Variants in ZNF536 observed in about 807,000 individuals in gnomAD.
ZNF536 encodes zinc finger protein 536.
In ZNF536, 13 loss-of-function variants were observed where a neutral mutation model predicts 84.5. The ratio of observed to expected loss-of-function variants is 0.15; its 90% CI spans 0.10 to 0.24. The LOEUF is 0.24. Among genes scored for constraint, ZNF536 ranks in the 10% least tolerant of loss-of-function variants. ZNF536 has a pLI of 1.00. For synonymous variants in ZNF536, 811 were observed against 742.5 expected, an observed-to-expected ratio of 1.09 and a Z score of -1.50; for missense variants, 1,536 against 1,747.5, an observed-to-expected ratio of 0.88 and a Z score of 2.16.
chr19:30,675,298 G>A (rs925051719), intron 1 of ZNF536, among the ~76,000 whole-genome samples: 61 of 152,186 alleles, frequency 4.0e-4, no homozygotes, highest in African/African-American at 1.4e-3. Context: ...GTTTGCTGAT[G>A]CAAGCGTTCA....
At chr19:30,236,161 G>A (rs1209616666) in intron 1 of ZNF536, among the ~76,000 whole-genome samples, 2 of 152,262 alleles carry the variant, frequency 1.3e-5, no homozygotes, top group Non-Finnish European at 2.9e-5. Context: ...CTGCGCAGCC[G>A]AAACCTCCTC....
At chr19:30,560,650 C>T (rs1443866527), downstream of ZNF536, among the ~76,000 whole-genome samples, 4 of 152,158 alleles carry the variant, frequency 2.6e-5, no homozygotes, top group African/African-American at 7.2e-5. Flanking sequence ...TGAGAGAGGC[C>T]AAGGAAGGGC....
At chr19:30,511,747 T>G (rs2055422058) in intron 2 of ZNF536, among the ~76,000 whole-genome samples, 1 of 152,188 alleles carries the variant, frequency 6.6e-6, no homozygotes, top group South Asian at 2.1e-4. Context: ...ATTATTTAAG[T>G]CGGATGCTTG....
At chr19:30,632,138 T>A (rs2048909179) in intron 1 of ZNF536, among the ~76,000 whole-genome samples, 1 of 152,184 alleles carries the variant, frequency 6.6e-6, no homozygotes, top group African/African-American at 2.4e-5. Flanking sequence ...TGAGTAATAG[T>A]TCACTGGAAG....
chr19:30,461,043 G>A (rs746975245), intron 2 of ZNF536, among the ~76,000 whole-genome samples: 4 of 152,136 alleles, frequency 2.6e-5, no homozygotes, highest in Admixed American at 1.3e-4. Context: ...TGGGCGCGTC[G>A]GAGGGGTTGG....
At chr19:30,699,875 C>A (rs1166354382) in intron 1 of ZNF536, among the ~76,000 whole-genome samples, 2 of 152,216 alleles carry the variant, frequency 1.3e-5, no homozygotes, top group Non-Finnish European at 2.9e-5. Flanking sequence ...CAGGCCTGAC[C>A]CACTCATGAA....
chr19:30,313,867 G>A lies in ZNF536; in HGVS notation c.-120+29726G>A, dbSNP rs573610757. ...GACCAGAGGAAGACCCTGGAAGCCT[G>A]GGCTCCGAGAATAGATGGCCCTGTC... is the stretch of plus-strand genomic sequence containing the variant. On this transcript the variant is annotated intron_variant, in intron 2 of 5. Transcript: ENST00000585628. 8.5e-5 allele frequency among the ~76,000 whole-genome samples: 13 copies of A among 152,362 alleles called. No homozygotes were observed. In the South Asian group the frequency reaches 2.7e-3, roughly 32 times the overall value.
chr19:30,517,401 A>G (rs2044124632), intron 2 of ZNF536, among the ~76,000 whole-genome samples: 1 of 152,100 alleles, frequency 6.6e-6, no homozygotes, highest in Non-Finnish European at 1.5e-5. Flanking sequence ...GGTGGGGGCC[A>G]GCCAGGTAGT....
intron 1 of ZNF536, among the ~76,000 whole-genome samples, chr19:30,566,785 T>A (rs972366236): frequency 4.0e-4 from 60 of 151,226 alleles, no homozygotes; most frequent in Admixed American, 6.6e-5. Context: ...GATCCCTGCC[T>A]GTGGCCTCTC....
intron 1 of ZNF536, among the ~76,000 whole-genome samples, chr19:30,271,602 A>G (rs899602330): frequency 6.6e-6 from 1 of 152,132 alleles, no homozygotes; most frequent in African/African-American, 2.4e-5. Context: ...TGTTCCTAGC[A>G]GCCTCCACGT....
At chr19:30,281,767 C>T (rs1029242410) in intron 1 of ZNF536, among the ~76,000 whole-genome samples, 3 of 152,170 alleles carry the variant, frequency 2.0e-5, no homozygotes, top group African/African-American at 7.2e-5. Context: ...GAGGTGGGGG[C>T]TACCCAACCC....
rs1410420191 is a variant in ZNF536 at position 30,444,303 on chromosome 19, C to A, written c.741C>A (p.Ser247Arg). 6.3e-7 allele frequency: 1 copy of A among 1,580,128 alleles called. No homozygotes were observed. Among genetic ancestry groups the A allele is most frequent in the South Asian group, 1.1e-5 (1 of 88,642 alleles). Reference protein sequence around the residue: ...ACTLALQANHSVPDVAHPVPS... With the variant: ...ACTLALQANHRVPDVAHPVPS... Reference sequence around the variant, plus strand: ...CCCTGGCCCTGCAGGCTAACCACAGCGTTCCCGACGTGGCCCACCCGGTGC... The same window carrying A: ...CCCTGGCCCTGCAGGCTAACCACAGAGTTCCCGACGTGGCCCACCCGGTGC... The change falls in exon 2 of 5, where the codon AGC becomes AGA. Residue 247 changes from serine (S) to arginine (R), a missense_variant. Physicochemically the swap from Ser to Arg is moderately radical, Grantham distance 110. This residue lies in a region of ZNF536 where 138 missense variants were observed against 136.8 expected (regional missense o/e 1.01). Transcript: ENST00000355537.
chr19:30,697,174 A>G (rs1169094756), intron 1 of ZNF536, among the ~76,000 whole-genome samples: 1 of 152,010 alleles, frequency 6.6e-6, no homozygotes, highest in Non-Finnish European at 1.5e-5. Flanking sequence ...AACCATCAGC[A>G]CTCATGAGAA....
intron 2 of ZNF536, among the ~76,000 whole-genome samples, chr19:30,301,834 G>GA (rs34062386): frequency 0.24 from 34,884 of 144,344 alleles, 5,111 homozygotes; most frequent in East Asian, 0.54. Flanking sequence ...GTATGATGCT[G>GA]AAAAAAAAAA....
chr19:30,540,162 T>C (rs531533969), intron 3 of ZNF536, among the ~76,000 whole-genome samples: 2 of 152,102 alleles, frequency 1.3e-5, no homozygotes, highest in African/African-American at 2.4e-5. Context: ...GGGTTCAGCA[T>C]TGGGCTGAAG....
intron 1 of ZNF536, among the ~76,000 whole-genome samples, chr19:30,399,697 T>TTTTG (rs2049968116): frequency 8.0e-6 from 1 of 124,294 alleles, no homozygotes; most frequent in Non-Finnish European, 1.8e-5. Context: ...TTTTTTTTTT[T>TTTTG]GAGATGGAGT....
At chr19:30,636,725 A>G (rs2049081951) in intron 1 of ZNF536, among the ~76,000 whole-genome samples, 1 of 152,124 alleles carries the variant, frequency 6.6e-6, no homozygotes, top group African/African-American at 2.4e-5. Context: ...ATGGAAGCAC[A>G]TGTTTCAATG....
At chr19:30,669,073 G>C (rs2050445742) in intron 1 of ZNF536, among the ~76,000 whole-genome samples, 1 of 152,254 alleles carries the variant, frequency 6.6e-6, no homozygotes, top group Non-Finnish European at 1.5e-5. Flanking sequence ...AACTATGAAT[G>C]TGGCAGTCCT....
intron 1 of ZNF536, among the ~76,000 whole-genome samples, chr19:30,278,334 G>C (rs998407202): frequency 2.6e-5 from 4 of 152,192 alleles, no homozygotes; most frequent in Non-Finnish European, 5.9e-5. Context: ...TGGACCATAG[G>C]GGTTGCTTCT....
Sources: gnomAD v4.1 joint callset for allele counts (sites outside exome capture counted in the v4.1 genomes callset) on GRCh38, gnomAD v4.1.1 for gene constraint, gnomAD v4.1.1 regional missense constraint, MANE v1.5 for transcripts, NCBI Gene and HGNC (gene_info 2026-07-23, HGNC 2026-07-21) for gene names.